The following MTRF1 variants were observed in gnomAD, a reference collection of about 807,000 sequenced individuals.
MTRF1 encodes the protein mitochondrial translation release factor 1.
In MTRF1, 51 loss-of-function variants were observed where a neutral mutation model predicts 62.9. That is an observed-to-expected ratio of 0.81 (90% CI 0.65 to 1.02). The LOEUF (loss-of-function observed/expected upper bound fraction) is 1.02. MTRF1 is among the 50% of genes least tolerant of loss of function. MTRF1 has a pLI of 0.00. For synonymous variants in MTRF1, 158 were observed against 181.9 expected (o/e 0.87, Z 1.06); for missense variants, 446 against 530.0 (o/e 0.84, Z 1.56).
the MTRF1 span, among the ~76,000 whole-genome samples, chr13:41,272,977 G>A: frequency 1.3e-5 from 2 of 152,110 alleles, no homozygotes; most frequent in South Asian, 4.1e-4. Flanking sequence ...ATGGATTTGA[G>A]CCATAAAATT....
the MTRF1 span, among the ~76,000 whole-genome samples, chr13:41,308,866 C>T: frequency 2.6e-5 from 4 of 152,176 alleles, no homozygotes; most frequent in Non-Finnish European, 5.9e-5. Context: ...TTAATCTTCA[C>T]CCTCCTCCTA....
the MTRF1 span, among the ~76,000 whole-genome samples, chr13:41,271,968 A>G: frequency 6.6e-6 from 1 of 152,114 alleles, no homozygotes; most frequent in Admixed American, 6.5e-5. Context: ...CTAGGAGAAA[A>G]AAACAAAAAA....
intron 2 of MTRF1, among the ~76,000 whole-genome samples, chr13:41,255,231 G>C (rs2039555259): frequency 6.6e-6 from 1 of 151,788 alleles, no homozygotes; most frequent in African/African-American, 2.4e-5. Flanking sequence ...TTTTAAGAGA[G>C]ATGAGGACTC....
chr13:41,305,727 C>T, the MTRF1 span, among the ~76,000 whole-genome samples: 3 of 152,190 alleles, frequency 2.0e-5, no homozygotes, highest in African/African-American at 7.2e-5. Context: ...CCCAGCCAAA[C>T]TTGCTTCTCA....
intron 5 of MTRF1, chr13:41,252,361 GA>G: frequency 4.6e-6 from 1 of 219,146 alleles, no homozygotes; most frequent in Non-Finnish European, 8.9e-6. Context: ...CAATAATAGA[GA>G]AAAATGATTT....
intron 9 of MTRF1, among the ~76,000 whole-genome samples, chr13:41,218,280 AATTTTTTTTTTTTTTTTTT>A (rs769566581): frequency 1.7e-5 from 2 of 121,002 alleles, no homozygotes; most frequent in Non-Finnish European, 3.3e-5. Flanking sequence ...ACACCCAGCT[AATTTTTTTTTTTTTTTTTT>A]TTTTTTTTTT....
chr13:41,270,472 C>T, the MTRF1 span, among the ~76,000 whole-genome samples: 1 of 152,142 alleles, frequency 6.6e-6, no homozygotes, highest in Non-Finnish European at 1.5e-5. Context: ...GATAGAAGTA[C>T]ATCTTACAGA....
the MTRF1 span, among the ~76,000 whole-genome samples, chr13:41,273,322 T>C: frequency 4.9e-3 from 644 of 132,464 alleles, 1 homozygote; most frequent in African/African-American, 0.013. Context: ...CGAGACTCCG[T>C]CTCAAAAAAA....
At chr13:41,219,587 T>C (rs1239422229) in intron 9 of MTRF1, among the ~76,000 whole-genome samples, 1 of 152,154 alleles carries the variant, frequency 6.6e-6, no homozygotes, top group Admixed American at 6.5e-5. Context: ...GAACCATGAA[T>C]TTTGAAGAAA....
At chr13:41,303,607 G>A in the MTRF1 span, among the ~76,000 whole-genome samples, 1 of 152,180 alleles carries the variant, frequency 6.6e-6, no homozygotes, top group South Asian at 2.1e-4. Flanking sequence ...CGATGCAAGT[G>A]TCAGAGCCAT....
At chr13:41,259,122 T>C (rs1371464163) in intron 2 of MTRF1, among the ~76,000 whole-genome samples, 1 of 152,180 alleles carries the variant, frequency 6.6e-6, no homozygotes, top group Admixed American at 6.6e-5. Context: ...TAATAAGTGT[T>C]GGCAAGTACG....
At chr13:41,249,520 GAC>G (rs2038745011) in intron 5 of MTRF1, among the ~76,000 whole-genome samples, 1 of 150,846 alleles carries the variant, frequency 6.6e-6, no homozygotes, top group South Asian at 2.1e-4. Flanking sequence ...CAGCCTAGGT[GAC>G]AGAGTGAAAC....
the MTRF1 span, among the ~76,000 whole-genome samples, chr13:41,274,423 T>G: frequency 2.0e-5 from 3 of 152,280 alleles, no homozygotes; most frequent in African/African-American, 7.2e-5. Context: ...TTATGACCCT[T>G]GTACAAATAT....
At chr13:41,258,539 G>C (rs1464565902) in intron 2 of MTRF1, among the ~76,000 whole-genome samples, 1 of 148,546 alleles carries the variant, frequency 6.7e-6, no homozygotes, top group East Asian at 2.0e-4. Flanking sequence ...TTGAGCCCCG[G>C]AGTTTGAGTG....
At chr13:41,241,365 T>C (rs1430260184) in intron 5 of MTRF1, among the ~76,000 whole-genome samples, 3 of 152,066 alleles carry the variant, frequency 2.0e-5, no homozygotes, top group Non-Finnish European at 4.4e-5. Flanking sequence ...TCTAATGTTT[T>C]TTTAAAAATC....
upstream of MTRF1, among the ~76,000 whole-genome samples, chr13:41,266,741 C>T (rs371790284): frequency 6.6e-6 from 1 of 152,104 alleles, no homozygotes; most frequent in Non-Finnish European, 1.5e-5. Context: ...CGCCTGTAAT[C>T]CCATCACTTT....
chr13:41,218,819 C>A (rs1311482439), intron 9 of MTRF1, among the ~76,000 whole-genome samples: 1 of 152,120 alleles, frequency 6.6e-6, no homozygotes. Flanking sequence ...AGGAAGTGTA[C>A]ACACACATCT....
chr13:41,300,382 C>T, the MTRF1 span, among the ~76,000 whole-genome samples: 16 of 152,108 alleles, frequency 1.1e-4, no homozygotes, highest in African/African-American at 2.4e-4. Context: ...GTCAGGAAAT[C>T]GAGACCATCC....
At chr13:41,275,277 T>C in the MTRF1 span, among the ~76,000 whole-genome samples, 2 of 151,878 alleles carry the variant, frequency 1.3e-5, no homozygotes, top group Admixed American at 6.6e-5. Context: ...CTCAGCTCGC[T>C]GCAAGCTCCG....
Sources: gnomAD v4.1 joint callset for allele counts (sites outside exome capture counted in the v4.1 genomes callset) on GRCh38, gnomAD v4.1.1 for gene constraint, MANE v1.5 for transcripts, NCBI Gene and HGNC (gene_info 2026-07-23, HGNC 2026-07-21) for gene names.